ATG13: variants seen among roughly 807,000 people sequenced by gnomAD.
The protein encoded by ATG13 is autophagy-related protein 13.
A neutral mutation model predicts 65.5 loss-of-function variants in ATG13; 23 were observed. The observed-to-expected ratio is 0.35, with a 90% CI of 0.25 to 0.50. The LOEUF (loss-of-function observed/expected upper bound fraction) is 0.50. ATG13 is among the 20% of genes least tolerant of loss of function. ATG13 has a pLI of 0.98. For synonymous variants in ATG13, 252 were observed against 245.2 expected (o/e 1.03, Z -0.26); for missense variants, 566 against 677.0 (o/e 0.84, Z 1.82).
At chr11:46,666,276 C>T (rs1433138414) in intron 14 of ATG13, among the ~76,000 whole-genome samples, 1 of 152,102 alleles carries the variant, frequency 6.6e-6, no homozygotes, top group African/African-American at 2.4e-5. Context: ...AAGGGGTTGT[C>T]AGATGTTTTT....
chr11:46,659,357 C>G (rs778699511), intron 10 of ATG13, 35 bp from the exon 11 acceptor site: 2 of 1,537,328 alleles, frequency 1.3e-6, no homozygotes, highest in Admixed American at 3.4e-5. Context: ...ACTGCCACCA[C>G]CATAAAATTC....
chr11:46,646,159 GT>G (rs1034505372), intron 5 of ATG13, among the ~76,000 whole-genome samples, 170 bp downstream of exon 5: 1 of 151,750 alleles, frequency 6.6e-6, no homozygotes, highest in East Asian at 1.9e-4. Context: ...GTTTTGTTTT[GT>G]TTTTTTGAGA....
At chr11:46,672,100 C>T (rs1429483029) in intron 18 of ATG13, among the ~76,000 whole-genome samples, 155 bp from the exon 19 acceptor site, 8 of 152,252 alleles carry the variant, frequency 5.3e-5, no homozygotes, top group Admixed American at 6.5e-5. Context: ...CCTCCCTACC[C>T]TGTGCCTACG....
At chr11:46,628,964 T>C (rs1390709174) in intron 1 of ATG13, among the ~76,000 whole-genome samples, 1 of 145,984 alleles carries the variant, frequency 6.9e-6, no homozygotes, top group African/African-American at 2.6e-5. Context: ...GGAGACGGAG[T>C]CTCACTGTGT....
intron 7 of ATG13, among the ~76,000 whole-genome samples, chr11:46,655,579 AAAC>A (rs1233203506): frequency 6.6e-6 from 1 of 152,116 alleles, no homozygotes. Context: ...GTCTCAAACA[AAAC>A]AAAACAAAAC....
At chr11:46,668,732 G>A (rs1359807842) in intron 16 of ATG13, 62 bp from the exon 17 acceptor site, 33 of 1,518,566 alleles carry the variant, frequency 2.2e-5, no homozygotes, top group Non-Finnish European at 2.9e-5. Flanking sequence ...TTTTCAGATT[G>A]TTTACAGTAA....
At chr11:46,669,287 C>A in intron 17 of ATG13, 117 bp from the exon 18 acceptor site, 2 of 1,274,392 alleles carry the variant, frequency 1.6e-6, no homozygotes, top group South Asian at 2.7e-5. Flanking sequence ...AAAGATTTCT[C>A]TCCCTAAGAT....
rs769071044 is a variant in ATG13, at chr11:46,672,340, C to G, written c.*8C>G. The G allele has an allele frequency of 1.2e-6, 2 of 1,614,204 alleles. No individual in the cohort carries two copies. The highest frequency in any genetic ancestry group is 2.2e-5 in the South Asian group (2 of 91,084). On this transcript the variant is annotated 3_prime_UTR_variant, in exon 19 of 19. Transcript: ENST00000683050. ...GTGGAAACCCTGCAGTAAAAGTATC[C>G]TTGAGTCCCAGCAGCACCCCCTTTT...
intron 7 of ATG13, among the ~76,000 whole-genome samples, chr11:46,655,761 A>G (rs1178637967): frequency 6.6e-6 from 1 of 152,128 alleles, no homozygotes; most frequent in Non-Finnish European, 1.5e-5. Flanking sequence ...TTTTTGAGAC[A>G]GCGTCTCATC....
intron 7 of ATG13, among the ~76,000 whole-genome samples, chr11:46,655,213 C>G (rs1024004545): frequency 6.6e-6 from 1 of 152,052 alleles, no homozygotes; most frequent in Non-Finnish European, 1.5e-5. Context: ...TCCTGGCTAA[C>G]ACGGCGAAAA....
chr11:46,673,763 C>T lies in ATG13; in HGVS notation c.*1431C>T, dbSNP rs2064230283. On this transcript the variant is annotated 3_prime_UTR_variant, in exon 19 of 19. Coordinates refer to ENST00000683050, the MANE Select transcript of ATG13 (RefSeq NM_001346311.2). ...CACCTATGATCTGTCCTTTCCCAGCCTCGCTGGTAGTCCTGGTCAAGGAGA... is the reference window on the plus strand; with the variant it reads ...CACCTATGATCTGTCCTTTCCCAGCTTCGCTGGTAGTCCTGGTCAAGGAGA... 6.6e-6 allele frequency: 1 copy of T among 152,236 alleles called. No homozygotes were observed. The highest frequency in any genetic ancestry group is 6.5e-5 in the Admixed American group (1 of 15,274). The allele number at this position is 152,236 out of a possible 1,614,324, so 9.4% of individuals were successfully genotyped here.
Position 46,651,209 on chromosome 11 carries a change from T to C in ATG13, c.458+892T>C, listed in dbSNP as rs549449952. ...CAATTTGATACATGTATAATTACTT[T>C]TAAAAAGCAGGATTTGAAAACTGCA... On this transcript the variant is annotated intron_variant, in intron 7 of 18. Coordinates refer to ENST00000683050, the MANE Select transcript of ATG13 (RefSeq NM_001346311.2). Among the ~76,000 whole-genome samples, 3 of 152,310 alleles carry C rather than the reference T, an allele frequency of 2.0e-5. No individual in the cohort carries two copies. In the East Asian group the frequency reaches 5.8e-4, roughly 29 times the overall value.
At position 46,669,436 on chromosome 11, in the gene ATG13, G is replaced by A. The variant is rs138352791; in HGVS notation, c.1479G>A (p.Pro493=). The part of the protein sequence containing the change: ...KPAFSKDDIL[P]MDLGTFYREF... ...CTTTTTCTAAAGATGACATTCTTCC[G>A]ATGGACCTGGGGACCTTCTATCGGG... Residue 493 remains proline (P), a synonymous_variant, in exon 18 of 19, where the codon CCG becomes CCA. Coordinates refer to ENST00000683050, the MANE Select transcript of ATG13 (RefSeq NM_001346311.2). 3.8e-5 allele frequency: 62 copies of A among 1,614,092 alleles called. No homozygotes were observed. Among genetic ancestry groups the A allele is most frequent in the Admixed American group, 1.5e-4 (9 of 60,016 alleles).
rs953835564 is a variant in ATG13 at position 46,663,945 on chromosome 11, C to CTTTTTTTTT, written c.790-42_790-34dup. 7.5e-5 allele frequency: 57 copies of CTTTTTTTTT among 763,614 alleles called. 1 individual carries two copies. The highest frequency in any genetic ancestry group is 3.9e-4 in the Middle Eastern group (1 of 2,538). 47.3% of individuals were successfully genotyped at this position (763,614 alleles called of 1,614,324 possible). A position where few individuals can be genotyped will look rare whatever the true frequency, so the allele number is the denominator to read the frequency against. On this transcript the variant is annotated intron_variant, in intron 11 of 18. Transcript: ENST00000683050. Reference sequence around the variant, plus strand: ...TTCACTTCTTTCTCAAGTCCCTTTTCTTTTTTTTTTTTTTTTTTGTTTCTC... The same window carrying CTTTTTTTTT: ...TTCACTTCTTTCTCAAGTCCCTTTTCTTTTTTTTTTTTTTTTTTTTTTTTTTTGTTTCTC...
chr11:46,664,577 C>G (rs920785100), intron 12 of ATG13, among the ~76,000 whole-genome samples: 2 of 152,190 alleles, frequency 1.3e-5, no homozygotes, highest in African/African-American at 4.8e-5. Flanking sequence ...AGCTCAGCCC[C>G]TGGGAAAACG....
chr11:46,648,425 G>A (rs2136375254), intron 5 of ATG13, among the ~76,000 whole-genome samples: 1 of 152,118 alleles, frequency 6.6e-6, no homozygotes, highest in African/African-American at 2.4e-5. Flanking sequence ...TTGCAGTAAT[G>A]AAAATTAGAA....
At chr11:46,646,080 C>G in intron 5 of ATG13, 91 bp downstream of exon 5, 1 of 1,497,846 alleles carries the variant, frequency 6.7e-7, no homozygotes. Context: ...ATTCCTGCCC[C>G]TTTCCTCTCT....
chr11:46,631,272 GT>G (rs1417868622), intron 2 of ATG13, among the ~76,000 whole-genome samples: 2 of 152,136 alleles, frequency 1.3e-5, no homozygotes, highest in Non-Finnish European at 2.9e-5. Flanking sequence ...GCTCACTGTA[GT>G]TTCAAACTCC....
intron 1 of ATG13, among the ~76,000 whole-genome samples, chr11:46,623,423 T>C (rs1292029265): frequency 6.6e-6 from 1 of 152,004 alleles, no homozygotes; most frequent in Non-Finnish European, 1.5e-5. Context: ...GTTTTGTTTT[T>C]TTGTTTTTGT....
Sources: allele counts gnomAD v4.1 joint callset (sites outside exome capture counted in the v4.1 genomes callset), GRCh38; gene constraint gnomAD v4.1.1; transcripts MANE v1.5; gene names NCBI Gene and HGNC (gene_info 2026-07-23, HGNC 2026-07-21).